NEXMIF: variants seen among roughly 807,000 people sequenced by gnomAD.
NEXMIF encodes XLMR protein related to neurite extension.
A neutral mutation model predicts 62.1 loss-of-function variants in NEXMIF; 8 were observed. The observed-to-expected ratio is 0.13, with a 90% CI of 0.08 to 0.23. The LOEUF is 0.23. Among genes scored for constraint, NEXMIF ranks in the 10% least tolerant of loss-of-function variants. NEXMIF has a pLI of 1.00. For synonymous variants in NEXMIF, 404 were observed against 416.6 expected (o/e 0.97, Z 0.37); for missense variants, 976 against 1,113.3 (o/e 0.88, Z 1.75).
At chrX:74,756,852 C>T (rs896095134) in intron 1 of NEXMIF, among the ~76,000 whole-genome samples, 1 of 110,879 alleles carries the variant, frequency 9.0e-6, no homozygotes, top group Admixed American at 9.6e-5. Context: ...TAGGAAACAC[C>T]CATTGCACAT....
chrX:74,856,480 G>A (rs1378655357), intron 1 of NEXMIF, among the ~76,000 whole-genome samples: 1 of 111,420 alleles, frequency 9.0e-6, no homozygotes, highest in Non-Finnish European at 1.9e-5. Flanking sequence ...AGAAGCGGAG[G>A]AGAGAGAAAA....
intron 1 of NEXMIF, among the ~76,000 whole-genome samples, chrX:74,823,705 T>C (rs868466003): frequency 1.1e-4 from 11 of 98,649 alleles, no homozygotes; most frequent in South Asian, 9.2e-4. Flanking sequence ...GACAGATAGA[T>C]AGATAGATAG....
intron 1 of NEXMIF, among the ~76,000 whole-genome samples, chrX:74,920,443 C>T (rs1167290344): frequency 8.9e-6 from 1 of 111,815 alleles, no homozygotes; most frequent in African/African-American, 3.3e-5. Flanking sequence ...AGTGTCTGTT[C>T]ATATCCTTTG....
Position 74,874,944 on chromosome X carries a change from G to C in NEXMIF, c.-48+49939C>G, listed in dbSNP as rs1023982210. ...TACAACCATGTCATCTGCAAACAGG[G>C]ACAATTTGACTTCCTCTTTTCCTAA... On this transcript the variant is annotated intron_variant, in intron 1 of 3. Transcript: ENST00000055682. Among the ~76,000 whole-genome samples the C allele has an allele frequency of 5.4e-5, 6 of 110,378 alleles. 1 individual carries two copies. The South Asian group carries it at 2.4e-3, about 44-fold the overall frequency.
At chrX:74,856,943 G>C (rs1464131066) in intron 1 of NEXMIF, among the ~76,000 whole-genome samples, 1 of 112,147 alleles carries the variant, frequency 8.9e-6, no homozygotes, top group Admixed American at 9.5e-5. Flanking sequence ...GAATGCAGCT[G>C]ACACTTACCC....
chrX:74,921,399 T>G (rs1395763702), intron 1 of NEXMIF, among the ~76,000 whole-genome samples: 3 of 112,061 alleles, frequency 2.7e-5, no homozygotes, highest in African/African-American at 9.7e-5. Flanking sequence ...ACAGAGCCAC[T>G]TGTTGTTTGA....
chrX:74,776,439 A>G (rs934582318), intron 1 of NEXMIF, among the ~76,000 whole-genome samples: 11 of 111,613 alleles, frequency 9.9e-5, no homozygotes, highest in African/African-American at 3.6e-4. Flanking sequence ...AAGTAGGATT[A>G]TCTTGGCCGG....
intron 1 of NEXMIF, among the ~76,000 whole-genome samples, chrX:74,834,789 T>G (rs543011900): frequency 9.0e-6 from 1 of 111,476 alleles, no homozygotes; most frequent in Non-Finnish European, 1.9e-5. Flanking sequence ...GTAGTCTTCT[T>G]TGGGTTAAAG....
At chrX:74,784,612 T>TTA (rs35688273) in intron 1 of NEXMIF, among the ~76,000 whole-genome samples, 3,575 of 106,491 alleles carry the variant, frequency 0.034, 67 homozygotes, top group Middle Eastern at 0.061. Flanking sequence ...ATGCAATATT[T>TTA]TATATATATA....
intron 1 of NEXMIF, among the ~76,000 whole-genome samples, chrX:74,909,080 A>G (rs2080778712): frequency 9.0e-6 from 1 of 111,451 alleles, no homozygotes; most frequent in African/African-American, 3.3e-5. Flanking sequence ...AAATGGACCA[A>G]TACAGTAAAT....
At chrX:74,811,914 C>T (rs2080361712) in intron 1 of NEXMIF, among the ~76,000 whole-genome samples, 1 of 113,096 alleles carries the variant, frequency 8.8e-6, no homozygotes, top group Admixed American at 9.3e-5. Flanking sequence ...ATGGAGAAAA[C>T]TCTCTAAGTA....
intron 1 of NEXMIF, among the ~76,000 whole-genome samples, chrX:74,822,653 C>G (rs914024227): frequency 3.6e-5 from 4 of 112,067 alleles, no homozygotes; most frequent in Non-Finnish European, 7.5e-5. Context: ...TTTCACATCA[C>G]TGGTCAGCAG....
chrX:74,878,916 A>T (rs760601991), intron 1 of NEXMIF, among the ~76,000 whole-genome samples: 1 of 112,279 alleles, frequency 8.9e-6, no homozygotes, highest in East Asian at 2.8e-4. Flanking sequence ...TGAACCCGGT[A>T]CCTCAGATGG....
chrX:74,744,369 C>A lies in NEXMIF; in HGVS notation c.188G>T (p.Gly63Val), dbSNP rs1569336054. 6 of 1,208,842 alleles carry A rather than the reference C, an allele frequency of 5.0e-6. No individual in the cohort carries two copies. Among genetic ancestry groups the A allele is most frequent in the Middle Eastern group, 2.3e-4 (1 of 4,343 alleles). Reference sequence around the variant, plus strand: ...CTTCTTAGAGGGTAGAGGCAGGAGACCTCTGGGATACATCAGGGTCTCTTT... The same window carrying A: ...CTTCTTAGAGGGTAGAGGCAGGAGAACTCTGGGATACATCAGGGTCTCTTT... Reference protein sequence around the residue: ...AQKETLMYPRGLLPLPSKKPC... With the variant: ...AQKETLMYPRVLLPLPSKKPC... The change falls in exon 3 of 4, where the codon GGT (glycine) becomes GTT (valine). Residue 63 changes from glycine (G) to valine (V), a missense_variant. By Grantham distance (109) the Gly-to-Val change is moderately radical. Coordinates refer to ENST00000055682, the MANE Select transcript of NEXMIF (RefSeq NM_001008537.3).
At chrX:74,886,159 A>G (rs975246320) in intron 1 of NEXMIF, among the ~76,000 whole-genome samples, 2 of 111,813 alleles carry the variant, frequency 1.8e-5, no homozygotes, top group Non-Finnish European at 3.8e-5. Flanking sequence ...CAAGATAATA[A>G]GAGCTATCTA....
At chrX:74,789,035 G>C (rs2080269392) in intron 1 of NEXMIF, among the ~76,000 whole-genome samples, 1 of 108,559 alleles carries the variant, frequency 9.2e-6, no homozygotes, top group African/African-American at 3.4e-5. Context: ...GTGCAGGTTA[G>C]TTACATATGT....
chrX:74,826,915 C>T (rs927940572), intron 1 of NEXMIF, among the ~76,000 whole-genome samples: 4 of 111,511 alleles, frequency 3.6e-5, no homozygotes, highest in African/African-American at 1.3e-4. Flanking sequence ...TTGAAATATA[C>T]TTAATAAATC....
intron 1 of NEXMIF, among the ~76,000 whole-genome samples, chrX:74,794,851 C>T (rs2080300933): frequency 8.9e-6 from 1 of 111,734 alleles, no homozygotes; most frequent in Non-Finnish European, 1.9e-5. Flanking sequence ...ACAGTGCGCG[C>T]ACCCACTGAC....
chrX:74,919,629 T>TTTA (rs1299541794), intron 1 of NEXMIF, among the ~76,000 whole-genome samples: 1 of 110,974 alleles, frequency 9.0e-6, no homozygotes, highest in African/African-American at 3.3e-5. Context: ...GTTCTTTTTT[T>TTTA]TTATTATTAT....
Sources: gnomAD v4.1 joint callset for allele counts (sites outside exome capture counted in the v4.1 genomes callset) on GRCh38, gnomAD v4.1.1 for gene constraint, MANE v1.5 for transcripts, NCBI Gene and HGNC (gene_info 2026-07-23, HGNC 2026-07-21) for gene names.